Variants in SMARCB1 observed in about 807,000 individuals in gnomAD.
SMARCB1 encodes SWI/SNF related BAF chromatin remodeling complex subunit B1, also known as SWI/SNF-related matrix-associated actin-dependent regulator of chromatin subfamily B member 1.
SMARCB1 carries 5 observed loss-of-function variants against 49.0 expected under a neutral mutation model. That is an observed-to-expected ratio of 0.10 (90% CI 0.05 to 0.21). SMARCB1 has a LOEUF of 0.21. SMARCB1 is among the 10% of genes least tolerant of loss of function. The probability of loss-of-function intolerance (pLI) is 1.00; values close to 1 mark genes in which losing one functional copy is unlikely to be tolerated. For missense variants in SMARCB1, 226 were observed against 509.2 expected, an observed-to-expected ratio of 0.44 and a Z score of 5.35; for synonymous variants, 201 against 200.1, an observed-to-expected ratio of 1.00 and a Z score of -0.04.
Position 23,836,316 on chromosome 22 carries a change from T to C in SMARCB1, c.*2136T>C, listed in dbSNP as rs1385752627. On this transcript the variant is annotated 3_prime_UTR_variant, in exon 9 of 9. Transcript: ENST00000644036. ...TACGCCCACCTGTCAGGGTGGCTGA[T>C]GAGAGACAGGAGAGGCTAGATTGGC... The C allele has an allele frequency of 2.0e-6, 2 of 985,372 alleles. No homozygotes were observed. 61.0% of individuals were successfully genotyped at this position (985,372 alleles called of 1,614,324 possible).
chr22:23,810,434 A>G (rs1283860412), intron 5 of SMARCB1, among the ~76,000 whole-genome samples: 1 of 150,772 alleles, frequency 6.6e-6, no homozygotes, highest in Non-Finnish European at 1.5e-5. Context: ...AGGCTGAGGC[A>G]GAAGAGTCAC....
intron 5 of SMARCB1, among the ~76,000 whole-genome samples, chr22:23,805,268 A>G (rs986764523): frequency 6.6e-6 from 1 of 152,280 alleles, no homozygotes; most frequent in Admixed American, 6.5e-5. Context: ...GACACTGGCA[A>G]GAGACTCCGG....
intron 7 of SMARCB1, among the ~76,000 whole-genome samples, chr22:23,827,912 TCCTGCCTGGC>T (rs748239447): frequency 6.6e-6 from 1 of 152,172 alleles, no homozygotes; most frequent in East Asian, 1.9e-4. Flanking sequence ...CCAGTGTCAG[TCCTGCCTGGC>T]CCTGCCTGGG....
rs2030848572 is a variant in SMARCB1, at chr22:23,834,256, C to A, written c.*76C>A. The A allele has an allele frequency of 2.0e-6, 3 of 1,475,468 alleles. No individual in the cohort carries two copies. The highest frequency in any genetic ancestry group is 2.8e-6 in the Non-Finnish European group (3 of 1,080,664). 91.4% of individuals were successfully genotyped at this position (1,475,468 alleles called of 1,614,324 possible). A position where few individuals can be genotyped will look rare whatever the true frequency, so the allele number is the denominator to read the frequency against. ...CCTCTCCTCCATCTTCTGGCAAGGA[C>A]AGAGGCGAGGGGACAGCCCAGCGCC... On this transcript the variant is annotated 3_prime_UTR_variant, in exon 9 of 9. Transcript: ENST00000644036.
intron 5 of SMARCB1, among the ~76,000 whole-genome samples, chr22:23,813,134 G>T (rs558906261): frequency 1.4e-4 from 22 of 152,174 alleles, no homozygotes; most frequent in Non-Finnish European, 2.6e-4. Context: ...CAAAGTGCTG[G>T]GATTACAGGC....
At chr22:23,799,702 TGAGACGG>T (rs1929021073) in intron 3 of SMARCB1, among the ~76,000 whole-genome samples, 1 of 86,936 alleles carries the variant, frequency 1.2e-5, no homozygotes, top group Non-Finnish European at 2.6e-5. Context: ...TTTTTTTTTT[TGAGACGG>T]AGTCTTGCTC....
chr22:23,801,708 A>G, intron 4 of SMARCB1: 1 of 267,982 alleles, frequency 3.7e-6, no homozygotes, highest in Non-Finnish European at 7.4e-6. Context: ...TTAGAAGGAC[A>G]CTTGGCGATG....
intron 7 of SMARCB1, among the ~76,000 whole-genome samples, chr22:23,828,774 C>T (rs1349094232): frequency 3.3e-5 from 5 of 152,210 alleles, no homozygotes; most frequent in African/African-American, 9.6e-5. Context: ...ATACCCTCCT[C>T]GGCAGTGGGG....
At chr22:23,795,690 A>AAAAAAT (rs1483837000) in intron 3 of SMARCB1, among the ~76,000 whole-genome samples, 2 of 151,490 alleles carry the variant, frequency 1.3e-5, no homozygotes, top group South Asian at 2.1e-4. Context: ...ATAAATAAAT[A>AAAAAAT]AAAAATAAAA....
chr22:23,812,543 A>G (rs964981533), intron 5 of SMARCB1, among the ~76,000 whole-genome samples: 5 of 152,180 alleles, frequency 3.3e-5, no homozygotes, highest in South Asian at 2.1e-4. Flanking sequence ...ATACAGACCA[A>G]TATCCTTTAT....
chr22:23,817,664 G>A (rs1373498914), intron 6 of SMARCB1: 1 of 152,416 alleles, frequency 6.6e-6, no homozygotes, highest in Non-Finnish European at 1.5e-5. Context: ...CGGGAGGGAT[G>A]CCTCCTGTGA....
In SMARCB1 at chr22:23,837,779, G is replaced by A. The variant is rs548677946; in HGVS notation, c.*3599G>A. 8 of 1,613,902 alleles carry A rather than the reference G, an allele frequency of 5.0e-6. No individual in the cohort carries two copies. The highest frequency in any genetic ancestry group is 5.1e-6 in the Non-Finnish European group (6 of 1,180,004). ...AAGTTGACCCTCACCCGAGGGCTGCGGCGGCTCCACACGTACACCAGCATG... is the reference window on the plus strand; with the variant it reads ...AAGTTGACCCTCACCCGAGGGCTGCAGCGGCTCCACACGTACACCAGCATG... On this transcript the variant is annotated 3_prime_UTR_variant, in exon 9 of 9. Transcript: ENST00000644036.
At chr22:23,832,165 G>T (rs1400427457) in intron 7 of SMARCB1, among the ~76,000 whole-genome samples, 1 of 152,086 alleles carries the variant, frequency 6.6e-6, no homozygotes, top group African/African-American at 2.4e-5. Context: ...TGGTGTGGAT[G>T]TGCAGAGCCG....
At chr22:23,826,403 T>G (rs1361222332) in intron 7 of SMARCB1, among the ~76,000 whole-genome samples, 1 of 146,648 alleles carries the variant, frequency 6.8e-6, no homozygotes, top group Non-Finnish European at 1.5e-5. Context: ...CCAGCCTGGG[T>G]GACAGAGCGA....
rs2031063300 is a variant in SMARCB1, at chr22:23,836,542, CA to C, written c.*2366del. 2 of 1,061,768 alleles carry C rather than the reference CA, an allele frequency of 1.9e-6. No homozygotes were observed. Among genetic ancestry groups the C allele is most frequent in the Non-Finnish European group, 2.3e-6 (2 of 881,028 alleles). The allele number at this position is 1,061,768 out of a possible 1,614,324, so 65.8% of individuals were successfully genotyped here. On this transcript the variant is annotated 3_prime_UTR_variant, in exon 9 of 9. Transcript: ENST00000644036. ...ACCCTGAGCCTGTCACCTGTGAGCTCAAAAGCTCTGCCTGGCAACCTGTGAG... is the reference window on the plus strand; with the variant it reads ...ACCCTGAGCCTGTCACCTGTGAGCTCAAAGCTCTGCCTGGCAACCTGTGAG...
At chr22:23,799,304 G>A (rs546671652) in intron 3 of SMARCB1, among the ~76,000 whole-genome samples, 1 of 151,190 alleles carries the variant, frequency 6.6e-6, no homozygotes, top group Non-Finnish European at 1.5e-5. Context: ...TTTCGAGATA[G>A]GATGTTGCTC....
chr22:23,834,278 C>T lies in SMARCB1; in HGVS notation c.*98C>T, dbSNP rs564519294. ...GGACAGAGGCGAGGGGACAGCCCAG[C>T]GCCATCCTGAGGATCGGGTGGGGGT... is the stretch of plus-strand genomic sequence containing the variant. On this transcript the variant is annotated 3_prime_UTR_variant, in exon 9 of 9. Coordinates refer to ENST00000644036, the MANE Select transcript of SMARCB1 (RefSeq NM_003073.5). 2.4e-4 allele frequency: 324 copies of T among 1,346,044 alleles called. 2 individuals carry two copies. In the African/African-American group the frequency reaches 3.9e-3, roughly 16 times the overall value. 83.4% of individuals were successfully genotyped at this position (1,346,044 alleles called of 1,614,324 possible). A position where few individuals can be genotyped will look rare whatever the true frequency, so the allele number is the denominator to read the frequency against.
Position 23,786,979 on chromosome 22 carries a change from C to T in SMARCB1, c.-191C>T. 2.0e-6 allele frequency: 1 copy of T among 493,416 alleles called. No homozygotes were observed. The highest frequency in any genetic ancestry group is 3.6e-6 in the Non-Finnish European group (1 of 281,270). The allele number at this position is 493,416 out of a possible 1,614,324, so 30.6% of individuals were successfully genotyped here. A position where few individuals can be genotyped will look rare whatever the true frequency, so the allele number is the denominator to read the frequency against. On this transcript the variant is annotated 5_prime_UTR_variant, in exon 1 of 9. Transcript: ENST00000644036. The stretch of plus-strand genomic sequence containing the variant: ...GTCAGCGTCAACGCCAGCGCCTGCG[C>T]ACTGAGGGCGGCCTGGTCGTCGTCT...
In SMARCB1 at chr22:23,787,147, G is replaced by C. The variant is rs1017179572; in HGVS notation, c.-23G>C. ...TCCTGATCCCTCGCAGCCCGGCTCC[G>C]GCCGCCCGCCTCTGCCGCCGCAATG... On this transcript the variant is annotated 5_prime_UTR_variant, in exon 1 of 9. Coordinates refer to ENST00000644036, the MANE Select transcript of SMARCB1 (RefSeq NM_003073.5). The C allele has an allele frequency of 6.4e-7, 1 of 1,557,066 alleles. No homozygotes were observed. Among genetic ancestry groups the C allele is most frequent in the Admixed American group, 1.7e-5 (1 of 59,452 alleles).
Sources: gnomAD v4.1 joint callset for allele counts (sites outside exome capture counted in the v4.1 genomes callset) on GRCh38, gnomAD v4.1.1 for gene constraint, MANE v1.5 for transcripts, NCBI Gene and HGNC (gene_info 2026-07-23, HGNC 2026-07-21) for gene names.